Variants in SDC2 observed in about 807,000 individuals in gnomAD.
SDC2 encodes the protein syndecan-2.
A neutral mutation model predicts 22.2 loss-of-function variants in SDC2; 13 were observed. The observed-to-expected ratio is 0.59, with a 90% confidence interval of 0.38 to 0.93. The LOEUF (loss-of-function observed/expected upper bound fraction) is 0.93, where lower values mean the gene tolerates loss of function less well. Among genes scored for constraint, SDC2 ranks in the 40% least tolerant of loss-of-function variants. SDC2 has a pLI of 0.00. For synonymous variants in SDC2, 94 were observed against 92.8 expected, an observed-to-expected ratio of 1.01 and a Z score of -0.07; for missense variants, 235 against 246.8, an observed-to-expected ratio of 0.95 and a Z score of 0.32.
intron 3 of SDC2, 145 bp from the exon 4 acceptor site, chr8:96,608,190 A>G: frequency 1.4e-6 from 1 of 708,922 alleles, no homozygotes; most frequent in East Asian, 2.7e-5. Flanking sequence ...CCATTGCTAT[A>G]AACATCACAC....
intron 1 of SDC2, among the ~76,000 whole-genome samples, chr8:96,580,978 A>C (rs2130604744): frequency 6.6e-6 from 1 of 152,314 alleles, no homozygotes; most frequent in Middle Eastern, 3.4e-3. Context: ...TAGTAGAATC[A>C]GCTTTTTTTA....
chr8:96,576,379 G>GTTGTTTTTTT (rs1554604675), intron 1 of SDC2, among the ~76,000 whole-genome samples: 1 of 47,564 alleles, frequency 2.1e-5, no homozygotes, highest in African/African-American at 8.3e-5. Context: ...TTTTTGTTTT[G>GTTGTTTTTTT]TTTTGTTTTT....
At chr8:96,513,161 TATATC>T (rs1813353449) in intron 1 of SDC2, among the ~76,000 whole-genome samples, 1 of 152,192 alleles carries the variant, frequency 6.6e-6, no homozygotes. Context: ...AGAAAAATAA[TATATC>T]ATATTCAAAA....
intron 1 of SDC2, among the ~76,000 whole-genome samples, chr8:96,496,490 C>T (rs1813076907): frequency 6.6e-6 from 1 of 152,160 alleles, no homozygotes. Context: ...TAAATAGAAG[C>T]TGTTTCAAGG....
intron 1 of SDC2, among the ~76,000 whole-genome samples, chr8:96,522,199 G>A (rs200395341): frequency 1.3e-5 from 2 of 152,194 alleles, no homozygotes; most frequent in East Asian, 3.9e-4. Context: ...GGCTTGGAGT[G>A]CATGTTAGGA....
chr8:96,578,267 T>C (rs1450279647), intron 1 of SDC2, among the ~76,000 whole-genome samples: 1 of 152,218 alleles, frequency 6.6e-6, no homozygotes, highest in African/African-American at 2.4e-5. Flanking sequence ...CACTGTCCAG[T>C]ATGGTAGCCA....
chr8:96,561,121 C>T (rs993374512), intron 1 of SDC2, among the ~76,000 whole-genome samples: 1 of 151,992 alleles, frequency 6.6e-6, no homozygotes, highest in African/African-American at 2.4e-5. Flanking sequence ...TAATAATAAT[C>T]ATAATAATAA....
At chr8:96,596,319 A>C (rs1407415652) in intron 2 of SDC2, among the ~76,000 whole-genome samples, 1 of 152,222 alleles carries the variant, frequency 6.6e-6, no homozygotes, top group Non-Finnish European at 1.5e-5. Context: ...GGGTTTGGCC[A>C]GTGTACCAGT....
chr8:96,495,281 C>A (rs568802398), intron 1 of SDC2, among the ~76,000 whole-genome samples: 27 of 152,214 alleles, frequency 1.8e-4, no homozygotes, highest in Admixed American at 1.8e-3. Context: ...CCTGCCGGCA[C>A]CCAGCTTCCC....
chr8:96,560,915 G>C (rs1310221856), intron 1 of SDC2, among the ~76,000 whole-genome samples: 3 of 152,122 alleles, frequency 2.0e-5, no homozygotes, highest in African/African-American at 7.2e-5. Flanking sequence ...AGACCAGCCT[G>C]GCCAACATGG....
intron 1 of SDC2, among the ~76,000 whole-genome samples, chr8:96,505,452 C>T (rs769509302): frequency 6.6e-6 from 1 of 152,038 alleles, no homozygotes; most frequent in Non-Finnish European, 1.5e-5. Flanking sequence ...TACAGGTGCA[C>T]CACCACACGC....
At chr8:96,565,275 C>T (rs2130570897) in intron 1 of SDC2, among the ~76,000 whole-genome samples, 1 of 151,234 alleles carries the variant, frequency 6.6e-6, no homozygotes, top group East Asian at 2.0e-4. Flanking sequence ...TTAGTAGAGA[C>T]AGGGTTTCAC....
intron 1 of SDC2, among the ~76,000 whole-genome samples, chr8:96,564,717 T>G (rs1316337605): frequency 6.6e-6 from 1 of 152,180 alleles, no homozygotes; most frequent in Admixed American, 6.5e-5. Flanking sequence ...AATAAAACTT[T>G]CCAAGAAAAT....
intron 1 of SDC2, among the ~76,000 whole-genome samples, chr8:96,541,155 G>A (rs1447094088): frequency 6.6e-6 from 1 of 152,094 alleles, no homozygotes; most frequent in Non-Finnish European, 1.5e-5. Context: ...TGTAGACTGG[G>A]CACGGTGGCT....
At chr8:96,552,415 T>C (rs1814042195) in intron 1 of SDC2, among the ~76,000 whole-genome samples, 1 of 152,208 alleles carries the variant, frequency 6.6e-6, no homozygotes, top group South Asian at 2.1e-4. Context: ...GTGTTGTTAC[T>C]GTGCGTTTGG....
At chr8:96,579,133 C>T (rs370837309) in intron 1 of SDC2, among the ~76,000 whole-genome samples, 85 of 152,322 alleles carry the variant, frequency 5.6e-4, no homozygotes, top group African/African-American at 1.9e-3. Context: ...GTAGGTGCCA[C>T]GCTGACAATA....
rs1002269411 is a variant in SDC2 at position 96,583,519 on chromosome 8, TTGTGCTTTC to T, written c.61-9951_61-9943del. Among the ~76,000 whole-genome samples, 106 of 151,638 alleles carry T rather than the reference TTGTGCTTTC, an allele frequency of 7.0e-4. 1 individual carries two copies. Among genetic ancestry groups the T allele is most frequent in the African/African-American group, 2.5e-3 (103 of 41,406 alleles). On this transcript the variant is annotated intron_variant, in intron 1 of 4. Coordinates refer to ENST00000302190, the MANE Select transcript of SDC2 (RefSeq NM_002998.4). ...CATTTGTGTCTATGACTTATCGGTC[TTGTGCTTTC>T]TGTGCTTTCAGCAACATTATAGTGC...
intron 1 of SDC2, among the ~76,000 whole-genome samples, chr8:96,592,915 C>G (rs2130632595): frequency 6.6e-6 from 1 of 152,348 alleles, no homozygotes; most frequent in African/African-American, 2.4e-5. Context: ...CAGGTCTGGG[C>G]TGGGGTAGAA....
At chr8:96,512,167 G>A (rs187323955) in intron 1 of SDC2, among the ~76,000 whole-genome samples, 22 of 152,308 alleles carry the variant, frequency 1.4e-4, no homozygotes, top group South Asian at 8.3e-4. Flanking sequence ...GCATAGTCAC[G>A]TGGTCACACA....
Sources: gnomAD v4.1 joint callset for allele counts (sites outside exome capture counted in the v4.1 genomes callset) on GRCh38, gnomAD v4.1.1 for gene constraint, MANE v1.5 for transcripts, NCBI Gene and HGNC (gene_info 2026-07-23, HGNC 2026-07-21) for gene names.